SNTG2: variants seen among roughly 807,000 people sequenced by gnomAD.
SNTG2 encodes the protein syntrophin gamma 2.
SNTG2 carries 74 observed loss-of-function variants against 70.9 expected under a neutral mutation model. That is an observed-to-expected ratio of 1.04 (90% CI 0.86 to 1.27). The LOEUF (loss-of-function observed/expected upper bound fraction) is 1.27, where lower values mean the gene tolerates loss of function less well. Among genes scored for constraint, SNTG2 ranks in the 50% most tolerant of loss-of-function variants. SNTG2 has a pLI of 0.00. For synonymous variants in SNTG2, 278 were observed against 273.8 expected (o/e 1.02, Z -0.15); for missense variants, 717 against 690.7 (o/e 1.04, Z -0.43).
chr2:1,215,458 G>A (rs568169634), intron 9 of SNTG2, among the ~76,000 whole-genome samples: 2 of 151,712 alleles, frequency 1.3e-5, no homozygotes, highest in African/African-American at 4.8e-5. Context: ...TAGATGATCT[G>A]TTTCCTCTTA....
At chr2:1,124,607 AAAG>A (rs1466862221) in intron 4 of SNTG2, among the ~76,000 whole-genome samples, 6 of 152,172 alleles carry the variant, frequency 3.9e-5, no homozygotes, top group African/African-American at 1.4e-4. Flanking sequence ...ACTCAGTCTT[AAAG>A]AAGGAGGAGG....
rs760978420 is a variant in SNTG2, at chr2:1,222,109, C to CTGTCTCTCTCTG, written c.719+12880_719+12881insGTCTCTCTCTGT. Among the ~76,000 whole-genome samples, 35 of 44,566 alleles carry CTGTCTCTCTCTG rather than the reference C, an allele frequency of 7.9e-4. 5 individuals carry two copies. The highest frequency in any genetic ancestry group is 3.2e-3 in the African/African-American group (31 of 9,644). 29.2% of individuals were successfully genotyped at this position (44,566 alleles called of 152,430 possible). A position where few individuals can be genotyped will look rare whatever the true frequency, so the allele number is the denominator to read the frequency against. On this transcript the variant is annotated intron_variant, in intron 9 of 16. Coordinates refer to ENST00000308624, the MANE Select transcript of SNTG2 (RefSeq NM_018968.4). ...TGTCTCTCTCTGTCTCTCTCTGTCTCTCTCTGTCTCTCTCTGTCTCTCTCT... is the reference window on the plus strand; with the variant it reads ...TGTCTCTCTCTGTCTCTCTCTGTCTCTGTCTCTCTCTGTCTCTGTCTCTCTCTGTCTCTCTCT...
intron 1 of SNTG2, among the ~76,000 whole-genome samples, chr2:985,898 G>A (rs574084008): frequency 9.2e-5 from 14 of 152,204 alleles, no homozygotes; most frequent in African/African-American, 2.9e-4. Context: ...CAGTTTCATG[G>A]ACAAGAAAGA....
At chr2:963,564 C>T (rs1241713739) in intron 1 of SNTG2, among the ~76,000 whole-genome samples, 2 of 152,066 alleles carry the variant, frequency 1.3e-5, no homozygotes, top group Non-Finnish European at 2.9e-5. Context: ...TAACATGTGC[C>T]TTGGGACCAA....
At chr2:1,360,345 C>T (rs1661070432) in intron 16 of SNTG2, among the ~76,000 whole-genome samples, 1 of 152,184 alleles carries the variant, frequency 6.6e-6, no homozygotes, top group Admixed American at 6.5e-5. Context: ...GGAAGCATGC[C>T]TCCCTCTCTG....
chr2:1,192,083 A>G lies in SNTG2; in HGVS notation c.592-17020A>G, dbSNP rs1672629720. Among the ~76,000 whole-genome samples the G allele has an allele frequency of 2.0e-5, 3 of 152,200 alleles. No individual in the cohort carries two copies. In the East Asian group the frequency reaches 5.8e-4, roughly 29 times the overall value. The stretch of plus-strand genomic sequence containing the variant: ...TTTTAGATAAAAATGAAGTAGTTGT[A>G]TATAAACAGCAGCTCTGTTAAGAAC... On this transcript the variant is annotated intron_variant, in intron 8 of 16. Transcript: ENST00000308624.
intron 16 of SNTG2, among the ~76,000 whole-genome samples, chr2:1,320,078 C>T (rs1044897732): frequency 4.6e-5 from 7 of 152,132 alleles, no homozygotes; most frequent in African/African-American, 1.4e-4. Context: ...AAACAAGTTT[C>T]CTTTTAGTAG....
At position 972,946 on chromosome 2, in the gene SNTG2, A is replaced by G. The variant is rs114372368; in HGVS notation, c.72+21878A>G. Among the ~76,000 whole-genome samples the G allele has an allele frequency of 3.4e-3, 520 of 152,322 alleles. 3 individuals carry two copies. The highest frequency in any genetic ancestry group is 0.01 in the Admixed American group (155 of 15,296). On this transcript the variant is annotated intron_variant, in intron 1 of 16. Coordinates refer to ENST00000308624, the MANE Select transcript of SNTG2 (RefSeq NM_018968.4). ...ATTTATAGCAATTTGAGAACAGACTAATACAAGTATCTACTACTATGTGAC... is the reference window on the plus strand; with the variant it reads ...ATTTATAGCAATTTGAGAACAGACTGATACAAGTATCTACTACTATGTGAC...
At chr2:1,009,981 G>C (rs571283991) in intron 1 of SNTG2, among the ~76,000 whole-genome samples, 26 of 152,290 alleles carry the variant, frequency 1.7e-4, no homozygotes, top group African/African-American at 5.3e-4. Flanking sequence ...GTCACCGTTT[G>C]GGGGAAGGAG....
intron 7 of SNTG2, among the ~76,000 whole-genome samples, chr2:1,167,555 T>A (rs1429002901): frequency 1.6e-5 from 2 of 128,516 alleles, no homozygotes; most frequent in Non-Finnish European, 3.3e-5. Context: ...AACTGAAACC[T>A]ACAGGCCGCC....
rs139093216 is a variant in SNTG2, at chr2:1,187,332, C to T, written c.591+14149C>T. ...GATGAGATTAACAGATCAGTGCTTT[C>T]GGTAAAGCACATGGACCTCCCTAAT... On this transcript the variant is annotated intron_variant, in intron 8 of 16. Coordinates refer to ENST00000308624, the MANE Select transcript of SNTG2 (RefSeq NM_018968.4). Among the ~76,000 whole-genome samples, 135 of 152,218 alleles carry T rather than the reference C, an allele frequency of 8.9e-4. 1 individual carries two copies. The highest frequency in any genetic ancestry group is 2.9e-3 in the African/African-American group (122 of 41,534).
At chr2:1,096,418 A>C (rs917414494) in intron 2 of SNTG2, among the ~76,000 whole-genome samples, 3 of 152,172 alleles carry the variant, frequency 2.0e-5, no homozygotes, top group Admixed American at 6.5e-5. Context: ...CATGCTTTCC[A>C]TTAGAGCCAC....
chr2:1,222,982 T>C (rs112424949), intron 9 of SNTG2, among the ~76,000 whole-genome samples: 6 of 56,724 alleles, frequency 1.1e-4, no homozygotes, highest in Non-Finnish European at 1.6e-4. Flanking sequence ...AGGAAAGTGG[T>C]GCAGTGATGG....
At chr2:1,000,107 C>T (rs1216498686) in intron 1 of SNTG2, among the ~76,000 whole-genome samples, 1 of 151,556 alleles carries the variant, frequency 6.6e-6, no homozygotes, top group African/African-American at 2.4e-5. Context: ...CTACAACATA[C>T]CAAAATATCT....
chr2:1,193,144 T>A (rs889767951), intron 8 of SNTG2, among the ~76,000 whole-genome samples: 1 of 152,310 alleles, frequency 6.6e-6, no homozygotes, highest in Non-Finnish European at 1.5e-5. Context: ...TTCCTCATTG[T>A]TGTAATAGCT....
intron 16 of SNTG2, among the ~76,000 whole-genome samples, chr2:1,333,798 C>T (rs1369720643): frequency 1.3e-5 from 2 of 152,124 alleles, no homozygotes; most frequent in Non-Finnish European, 2.9e-5. Flanking sequence ...GAGGATGGAT[C>T]AAAGACTTAA....
At chr2:956,257 GCCTCCCCCTGCCCTGCCCCTGCA>G (rs1409517633) in intron 1 of SNTG2, among the ~76,000 whole-genome samples, 24 of 70,532 alleles carry the variant, frequency 3.4e-4, no homozygotes, top group African/African-American at 9.8e-4. Context: ...CCGCCCCTGC[GCCTCCCCCTGCCCTGCCCCTGCA>G]CCTCCCCCTG....
chr2:1,204,221 T>A (rs1673483390), intron 8 of SNTG2, among the ~76,000 whole-genome samples: 1 of 152,158 alleles, frequency 6.6e-6, no homozygotes, highest in African/African-American at 2.4e-5. Flanking sequence ...TAATTTGGAT[T>A]TGGGCTGCAT....
intron 12 of SNTG2, 103 bp from the exon 13 acceptor site, chr2:1,259,267 T>TAATTGAGGTGGACAC: frequency 1.0e-6 from 1 of 953,106 alleles, no homozygotes; most frequent in South Asian, 1.5e-5. Flanking sequence ...GCTTAGGATT[T>TAATTGAGGTGGACAC]AATTGAGGTG....
Sources: gnomAD v4.1 joint callset for allele counts (sites outside exome capture counted in the v4.1 genomes callset) on GRCh38, gnomAD v4.1.1 for gene constraint, MANE v1.5 for transcripts, NCBI Gene and HGNC (gene_info 2026-07-23, HGNC 2026-07-21) for gene names.